CSMD1: variants seen among roughly 807,000 people sequenced by gnomAD.
The protein encoded by CSMD1 is CUB and Sushi multiple domains 1.
CSMD1 carries 213 observed loss-of-function variants against 417.5 expected under a neutral mutation model. The ratio of observed to expected loss-of-function variants is 0.51; its 90% confidence interval spans 0.46 to 0.57. The LOEUF (loss-of-function observed/expected upper bound fraction) is 0.57. Among genes scored for constraint, CSMD1 ranks in the 20% least tolerant of loss-of-function variants. CSMD1 has a pLI of 0.00. For missense variants in CSMD1, 6,923 were observed against 4,529.7 expected (o/e 1.53, Z -15.17); for synonymous variants, 2,862 against 1,736.8 (o/e 1.65, Z -16.11).
intron 3 of CSMD1, among the ~76,000 whole-genome samples, chr8:4,047,970 T>C (rs943373058): frequency 6.6e-6 from 1 of 152,340 alleles, no homozygotes; most frequent in African/African-American, 2.4e-5. Context: ...TCCTTAGGCC[T>C]TGTTTCTTTT....
At chr8:4,938,910 T>C (rs761499862) in intron 1 of CSMD1, among the ~76,000 whole-genome samples, 25 of 152,186 alleles carry the variant, frequency 1.6e-4, no homozygotes, top group Non-Finnish European at 3.7e-4. Context: ...TGAACCTCTT[T>C]TCATATACTT....
At chr8:4,113,473 T>C (rs1239282953) in intron 3 of CSMD1, among the ~76,000 whole-genome samples, 1 of 147,340 alleles carries the variant, frequency 6.8e-6, no homozygotes, top group African/African-American at 2.5e-5. Flanking sequence ...GGTGCAATCT[T>C]GGCTCACTGC....
rs1469329803 is a variant in CSMD1 at position 4,855,203 on chromosome 8, C to G, written c.85+139129G>C. ...CTCCAACAGACCTGCAGCTGACGGT[C>G]CTCTTTGTTAGAAGAAAAACTAACA... On this transcript the variant is annotated intron_variant, in intron 1 of 69. Coordinates refer to ENST00000635120, the MANE Select transcript of CSMD1 (RefSeq NM_033225.6). 1.2e-4 allele frequency among the ~76,000 whole-genome samples: 18 copies of G among 149,692 alleles called. 1 individual carries two copies. The highest frequency in any genetic ancestry group is 9.5e-4 in the East Asian group (4 of 4,224).
At chr8:3,857,242 G>A (rs556577980) in intron 5 of CSMD1, among the ~76,000 whole-genome samples, 12 of 152,296 alleles carry the variant, frequency 7.9e-5, no homozygotes, top group Non-Finnish European at 1.5e-4. Context: ...AGGTGGTAGA[G>A]TTACAAGCAA....
chr8:3,195,528 T>C (rs540877981), intron 33 of CSMD1, among the ~76,000 whole-genome samples: 1 of 152,350 alleles, frequency 6.6e-6, no homozygotes, highest in East Asian at 1.9e-4. Flanking sequence ...TGTTCGGCTT[T>C]TGCATTGCGT....
intron 26 of CSMD1, among the ~76,000 whole-genome samples, chr8:3,252,011 C>T (rs1800304695): frequency 6.6e-6 from 1 of 152,216 alleles, no homozygotes; most frequent in Non-Finnish European, 1.5e-5. Context: ...CATCTGCAAA[C>T]AGGGACAATT....
intron 6 of CSMD1, among the ~76,000 whole-genome samples, chr8:3,723,158 C>T (rs1450301125): frequency 6.6e-6 from 1 of 152,160 alleles, no homozygotes; most frequent in Non-Finnish European, 1.5e-5. Flanking sequence ...TTCCCATCTT[C>T]TTGCTGGCTA....
In CSMD1 at chr8:3,984,563, T is replaced by C. The variant is rs34300267; in HGVS notation, c.818+13340A>G. On this transcript the variant is annotated intron_variant, in intron 5 of 69. Transcript: ENST00000635120. The stretch of plus-strand genomic sequence containing the variant: ...TCGTCTAGGTATATTAAAAAATATA[T>C]ATATAGCCAAGTACAATATTTGGAT... Among the ~76,000 whole-genome samples the C allele has an allele frequency of 8.1e-3, 1,224 of 151,548 alleles. 12 individuals are homozygous for C. Among genetic ancestry groups the C allele is most frequent in the South Asian group, 0.015 (72 of 4,800 alleles).
At chr8:4,285,711 G>A (rs562726648) in intron 3 of CSMD1, among the ~76,000 whole-genome samples, 1 of 152,166 alleles carries the variant, frequency 6.6e-6, no homozygotes, top group Non-Finnish European at 1.5e-5. Context: ...TAGTAAAACA[G>A]TCAGGGCCAC....
At chr8:4,288,249 A>G (rs980463367) in intron 3 of CSMD1, among the ~76,000 whole-genome samples, 6 of 152,116 alleles carry the variant, frequency 3.9e-5, no homozygotes. Flanking sequence ...TGCCTTCATG[A>G]GTTTCTGACA....
chr8:3,964,565 G>C (rs1384216162), intron 5 of CSMD1, among the ~76,000 whole-genome samples: 2 of 152,186 alleles, frequency 1.3e-5, no homozygotes, highest in Non-Finnish European at 2.9e-5. Flanking sequence ...CACTGGAGAA[G>C]TCTTGCAGGT....
chr8:4,618,706 G>A (rs901476596), intron 2 of CSMD1, among the ~76,000 whole-genome samples: 3 of 152,084 alleles, frequency 2.0e-5, no homozygotes, highest in East Asian at 1.9e-4. Flanking sequence ...GATCCAAAAC[G>A]TGATGCATGG....
At chr8:4,348,804 T>A (rs538161377) in intron 3 of CSMD1, among the ~76,000 whole-genome samples, 1 of 152,216 alleles carries the variant, frequency 6.6e-6, no homozygotes, top group Non-Finnish European at 1.5e-5. Flanking sequence ...TTAACCCATT[T>A]ATTCTTCCAA....
chr8:3,657,552 G>A (rs1457518995), intron 7 of CSMD1, among the ~76,000 whole-genome samples: 1 of 152,078 alleles, frequency 6.6e-6, no homozygotes, highest in Non-Finnish European at 1.5e-5. Context: ...GCAGGGACAT[G>A]GATGATGCTG....
At chr8:3,667,559 G>C (rs537883748) in intron 7 of CSMD1, among the ~76,000 whole-genome samples, 1 of 152,130 alleles carries the variant, frequency 6.6e-6, no homozygotes, top group Non-Finnish European at 1.5e-5. Flanking sequence ...GGACTAGGCT[G>C]AGAAAGTCCT....
chr8:4,142,832 T>G (rs1304155025), intron 3 of CSMD1, among the ~76,000 whole-genome samples: 1 of 151,124 alleles, frequency 6.6e-6, no homozygotes. Context: ...GGAAAATGAT[T>G]TCTTAAATTG....
intron 1 of CSMD1, among the ~76,000 whole-genome samples, chr8:4,646,696 A>C (rs2725003): frequency 0.7 from 106,276 of 152,014 alleles, 37,343 homozygotes; most frequent in South Asian, 0.81. Flanking sequence ...GCTCTATTTT[A>C]ATGCTTAGTA....
chr8:3,307,490 C>CTTTACTATATAGAACTTAATT (rs1804966675), intron 25 of CSMD1, among the ~76,000 whole-genome samples: 1 of 152,126 alleles, frequency 6.6e-6, no homozygotes, highest in Non-Finnish European at 1.5e-5. Flanking sequence ...CTCATTTTGG[C>CTTTACTATATAGAACTTAATT]TTTACTATAT....
chr8:4,437,785 C>G (rs1000125452), intron 2 of CSMD1, among the ~76,000 whole-genome samples: 1 of 152,102 alleles, frequency 6.6e-6, no homozygotes, highest in Non-Finnish European at 1.5e-5. Flanking sequence ...TGAGTTGTCT[C>G]TATGGGAACT....
Sources: gnomAD v4.1 joint callset for allele counts (sites outside exome capture counted in the v4.1 genomes callset) on GRCh38, gnomAD v4.1.1 for gene constraint, MANE v1.5 for transcripts, NCBI Gene and HGNC (gene_info 2026-07-23, HGNC 2026-07-21) for gene names.